KIF13B: variants seen among roughly 807,000 people sequenced by gnomAD.
KIF13B encodes kinesin family member 13B, also known as kinesin-like protein KIF13B.
In KIF13B, 127 loss-of-function variants were observed where a neutral mutation model predicts 222.0. That is an observed-to-expected ratio of 0.57 (90% CI 0.50 to 0.66). KIF13B has a LOEUF of 0.66. Ranked by LOEUF, KIF13B falls within the 30% of genes least tolerant of loss-of-function variation. The probability of loss-of-function intolerance (pLI) is 0.00; values close to 1 mark genes in which losing one functional copy is unlikely to be tolerated. For missense variants in KIF13B, 2,173 were observed against 2,379.0 expected, an observed-to-expected ratio of 0.91 and a Z score of 1.80; for synonymous variants, 976 against 919.0, an observed-to-expected ratio of 1.06 and a Z score of -1.12.
At chr8:29,124,182 T>A in intron 26 of KIF13B, 59 bp from the exon 27 acceptor site, 1 of 1,006,922 alleles carries the variant, frequency 9.9e-7, no homozygotes. Flanking sequence ...TATCTGAAAC[T>A]GATGCTCTAT....
chr8:29,123,593 T>C, intron 27 of KIF13B, 101 bp from the exon 28 acceptor site: 1 of 1,444,920 alleles, frequency 6.9e-7, no homozygotes, highest in East Asian at 2.3e-5. Flanking sequence ...AATTATTAGC[T>C]CACAAGTGCT....
At chr8:29,091,132 T>C (rs995653980) in intron 37 of KIF13B, among the ~76,000 whole-genome samples, 14 of 152,236 alleles carry the variant, frequency 9.2e-5, no homozygotes, top group Non-Finnish European at 1.5e-5. Flanking sequence ...TGAATAAAAA[T>C]TGCTTATGAA....
At chr8:29,242,196 G>C (rs1815812322) in intron 2 of KIF13B, among the ~76,000 whole-genome samples, 1 of 151,984 alleles carries the variant, frequency 6.6e-6, no homozygotes, top group Admixed American at 6.6e-5. Context: ...GAAACTATTT[G>C]TATCGTGCCA....
At chr8:29,195,563 A>C (rs564619520) in intron 3 of KIF13B, among the ~76,000 whole-genome samples, 1 of 152,360 alleles carries the variant, frequency 6.6e-6, no homozygotes, top group Non-Finnish European at 1.5e-5. Context: ...CCAAGAATGG[A>C]GACAGAAATC....
At chr8:29,178,608 T>G (rs1812581080) in intron 8 of KIF13B, among the ~76,000 whole-genome samples, 1 of 148,652 alleles carries the variant, frequency 6.7e-6, no homozygotes. Flanking sequence ...AACATGCTGT[T>G]AACAAAAGGT....
intron 2 of KIF13B, among the ~76,000 whole-genome samples, chr8:29,220,501 G>A (rs1409866024): frequency 6.6e-6 from 1 of 152,052 alleles, no homozygotes; most frequent in Non-Finnish European, 1.5e-5. Flanking sequence ...GAAGGCGACA[G>A]CTGGTTTGTT....
At chr8:29,140,033 A>G in intron 21 of KIF13B, 30 bp downstream of exon 21, 1 of 1,543,702 alleles carries the variant, frequency 6.5e-7, no homozygotes, top group Non-Finnish European at 8.7e-7. Context: ...TTTTGTATCA[A>G]CGTAATACTA....
intron 37 of KIF13B, among the ~76,000 whole-genome samples, chr8:29,086,011 G>A (rs1034181818): frequency 1.3e-5 from 2 of 151,972 alleles, no homozygotes; most frequent in African/African-American, 4.8e-5. Flanking sequence ...CTTGGTGCTG[G>A]TATCCCTTGA....
At chr8:29,237,719 G>T (rs775873734) in intron 2 of KIF13B, among the ~76,000 whole-genome samples, 9 of 152,094 alleles carry the variant, frequency 5.9e-5, no homozygotes, top group Non-Finnish European at 4.4e-5. Flanking sequence ...GTAAAACTTT[G>T]CAAAATTTGT....
intron 10 of KIF13B, 84 bp from the exon 11 acceptor site, chr8:29,167,669 A>AATTTGTT: frequency 8.7e-7 from 1 of 1,146,810 alleles, no homozygotes; most frequent in Non-Finnish European, 1.3e-6. Flanking sequence ...AAAATGGTGA[A>AATTTGTT]CAAATTTCCC....
At chr8:29,199,087 T>TTTTTTTTTTTTTTTTTTTTTTTA (rs1563781453) in intron 2 of KIF13B, among the ~76,000 whole-genome samples, 2 of 151,708 alleles carry the variant, frequency 1.3e-5, no homozygotes, top group African/African-American at 2.4e-5. Context: ...ATAAAATTTT[T>TTTTTTTTTTTTTTTTTTTTTTTA]TAAAAAATAG....
chr8:29,182,430 A>G (rs1226793231), intron 6 of KIF13B, among the ~76,000 whole-genome samples: 1 of 152,208 alleles, frequency 6.6e-6, no homozygotes, highest in Admixed American at 6.5e-5. Flanking sequence ...AAAATACAAA[A>G]CTGGGCTTAT....
intron 29 of KIF13B, among the ~76,000 whole-genome samples, chr8:29,121,148 T>C (rs1809841752): frequency 6.6e-6 from 1 of 150,952 alleles, no homozygotes; most frequent in Non-Finnish European, 1.5e-5. Flanking sequence ...ATTTACAGAT[T>C]CAATGCCATC....
intron 6 of KIF13B, among the ~76,000 whole-genome samples, chr8:29,182,697 T>C (rs991223500): frequency 2.0e-5 from 3 of 151,354 alleles, no homozygotes; most frequent in African/African-American, 4.9e-5. Context: ...CTTAATAATA[T>C]AAACCAAAAA....
In KIF13B at chr8:29,250,423, A is replaced by G. The variant is rs565918982; in HGVS notation, c.56-4984T>C. Among the ~76,000 whole-genome samples the G allele has an allele frequency of 3.9e-5, 6 of 152,328 alleles. No homozygotes were observed. In the East Asian group the frequency reaches 9.6e-4, roughly 24 times the overall value. ...CCATGCATATCATCAGATAAAACCA[A>G]TAACTTGGAAGAATTAAATGGTATG... is the stretch of plus-strand genomic sequence containing the variant. On this transcript the variant is annotated intron_variant, in intron 1 of 39. Transcript: ENST00000524189.
chr8:29,205,048 G>A (rs1813867821), intron 2 of KIF13B, among the ~76,000 whole-genome samples: 1 of 152,114 alleles, frequency 6.6e-6, no homozygotes, highest in South Asian at 2.1e-4. Flanking sequence ...GCCCGACTGG[G>A]CACAGTGGCT....
intron 36 of KIF13B, among the ~76,000 whole-genome samples, chr8:29,097,136 C>G (rs919704769): frequency 2.6e-5 from 4 of 152,114 alleles, no homozygotes; most frequent in Non-Finnish European, 4.4e-5. Flanking sequence ...GAAAAAGATA[C>G]ATCGTGCAAA....
In KIF13B at chr8:29,155,814, G is replaced by A; in HGVS notation, c.1447C>T (p.Leu483=). The A allele has an allele frequency of 6.3e-7, 1 of 1,590,016 alleles. No individual in the cohort carries two copies. The highest frequency in any genetic ancestry group is 1.3e-5 in the African/African-American group (1 of 74,764). The change falls in exon 14 of 40, where the codon CTG becomes TTG. Residue 483 remains leucine, a synonymous_variant. Coordinates refer to ENST00000524189, the MANE Select transcript of KIF13B (RefSeq NM_015254.4). ...TCAGGAAGAATTCCCATGCCGCACA[G>A]TTGGATATCTTGGGAATTTGCTGAC... The part of the protein sequence containing the change: ...IGSANSQDIQ[L]CGMGILPEHC...
At chr8:29,165,518 ATTCT>A (rs1279912898) in intron 12 of KIF13B, 140 bp downstream of exon 12, 1 of 572,526 alleles carries the variant, frequency 1.7e-6, no homozygotes, top group African/African-American at 1.9e-5. Flanking sequence ...CAAAGTATAG[ATTCT>A]TTCAGATCTA....
Sources: allele counts gnomAD v4.1 joint callset (sites outside exome capture counted in the v4.1 genomes callset), GRCh38; gene constraint gnomAD v4.1.1; transcripts MANE v1.5; gene names NCBI Gene and HGNC (gene_info 2026-07-23, HGNC 2026-07-21).